Variants in BTBD16 observed in about 807,000 individuals in gnomAD.
BTBD16 encodes the protein BTB/POZ domain-containing protein 16.
A neutral mutation model predicts 67.4 loss-of-function variants in BTBD16; 66 were observed. The observed-to-expected ratio is 0.98, with a 90% CI of 0.80 to 1.20. The LOEUF (loss-of-function observed/expected upper bound fraction) is 1.20, where lower values mean the gene tolerates loss of function less well. BTBD16 is among the 50% of genes most tolerant of loss of function. BTBD16 has a pLI of 0.00. For synonymous variants in BTBD16, 242 were observed against 236.4 expected (o/e 1.02, Z -0.22); for missense variants, 634 against 616.0 (o/e 1.03, Z -0.31).
At position 122,332,449 on chromosome 10, in the gene BTBD16, G is replaced by A. The variant is rs200829242; in HGVS notation, c.1100G>A (p.Gly367Asp). 1.3e-4 allele frequency: 204 copies of A among 1,613,972 alleles called. No homozygotes were observed. The highest frequency in any genetic ancestry group is 1.6e-4 in the Non-Finnish European group (193 of 1,180,012). The change falls in exon 13 of 16, where the codon GGC becomes GAC. Residue 367 changes from glycine (G) to aspartate (D), a missense_variant. Physicochemically the swap from Gly to Asp is moderately conservative, Grantham distance 94. Coordinates refer to ENST00000260723, the MANE Select transcript of BTBD16 (RefSeq NM_144587.5). Reference protein sequence around the residue: ...VNHYHALENGGDMVHLKDLNT... With the variant: ...VNHYHALENGDDMVHLKDLNT... Reference sequence around the variant, plus strand: ...TTTTCCTTTCAGCTGGAGAATGGGGGCGACATGGTCCACCTGAAAGATCTT... The same window carrying A: ...TTTTCCTTTCAGCTGGAGAATGGGGACGACATGGTCCACCTGAAAGATCTT...
Position 122,332,505 on chromosome 10 carries a change from T to A in BTBD16, c.1156T>A (p.Phe386Ile). ...CCAGGCTGTGAGATTTGGGCTGCTC[T>A]TTAACCAGGTACTGAGAACTGTACC... is the stretch of plus-strand genomic sequence containing the variant. Reference protein sequence around the residue: ...NTQAVRFGLLFNQENTTYSKT... With the variant: ...NTQAVRFGLLINQENTTYSKT... The change falls in exon 13 of 16, where the codon TTT becomes ATT. Residue 386 changes from phenylalanine (F) to isoleucine (I), a missense_variant. Phe to Ile is a conservative substitution (Grantham distance 21). Coordinates refer to ENST00000260723, the MANE Select transcript of BTBD16 (RefSeq NM_144587.5). 6.2e-7 allele frequency: 1 copy of A among 1,613,472 alleles called. No homozygotes were observed. The highest frequency in any genetic ancestry group is 1.3e-5 in the African/African-American group (1 of 75,016).
Position 122,332,478 on chromosome 10 carries a change from A to G in BTBD16, c.1129A>G (p.Thr377Ala). The G allele has an allele frequency of 6.2e-7, 1 of 1,613,880 alleles. No homozygotes were observed. Residue 377 changes from threonine (T) to alanine (A), a missense_variant, in exon 13 of 16, where the codon ACC becomes GCC. By Grantham distance (58) the Thr-to-Ala change is moderately conservative (BLOSUM62 0). Coordinates refer to ENST00000260723, the MANE Select transcript of BTBD16 (RefSeq NM_144587.5). Reference protein sequence around the residue: ...GDMVHLKDLNTQAVRFGLLFN... With the variant: ...GDMVHLKDLNAQAVRFGLLFN... ...CATGGTCCACCTGAAAGATCTTAAC[A>G]CCCAGGCTGTGAGATTTGGGCTGCT...
intron 15 of BTBD16, among the ~76,000 whole-genome samples, chr10:122,337,496 G>A (rs10887137): frequency 0.36 from 55,199 of 152,012 alleles, 10,461 homozygotes; most frequent in East Asian, 0.69. Flanking sequence ...ACGGAGTCTC[G>A]CTCTATCGCC....
intron 10 of BTBD16, among the ~76,000 whole-genome samples, chr10:122,323,832 A>C (rs2096439633): frequency 6.6e-6 from 1 of 152,158 alleles, no homozygotes. Context: ...CCTTTTGCAA[A>C]TTGATGGTGG....
intron 1 of BTBD16, among the ~76,000 whole-genome samples, chr10:122,273,411 G>A (rs933285108): frequency 6.6e-6 from 1 of 151,978 alleles, no homozygotes; most frequent in Non-Finnish European, 1.5e-5. Flanking sequence ...CTTGGCAGAG[G>A]AATATTTTAA....
At position 122,275,063 on chromosome 10, in the gene BTBD16, G is replaced by C; in HGVS notation, c.-19G>C. The C allele has an allele frequency of 1.2e-6, 2 of 1,613,462 alleles. No homozygotes were observed. Among genetic ancestry groups the C allele is most frequent in the Non-Finnish European group, 1.7e-6 (2 of 1,179,598 alleles). On this transcript the variant is annotated 5_prime_UTR_variant, in exon 2 of 16. Coordinates refer to ENST00000260723, the MANE Select transcript of BTBD16 (RefSeq NM_144587.5). ...AGGTTGCTTGTCTTTTCTCTCCTGC[G>C]TAATTTCCACTTTCATTCATGATAA...
intron 4 of BTBD16, among the ~76,000 whole-genome samples, chr10:122,284,718 T>C (rs911777): frequency 1 from 148,497 of 148,614 alleles, 74,191 homozygotes; most frequent in Middle Eastern, 1. Context: ...TACTGCATGG[T>C]GTGACTGCCT....
At chr10:122,282,270 C>G (rs1446329853) in intron 3 of BTBD16, among the ~76,000 whole-genome samples, 1 of 152,160 alleles carries the variant, frequency 6.6e-6, no homozygotes, top group Non-Finnish European at 1.5e-5. Context: ...AGACGTGTCA[C>G]CCAAGCCACG....
At chr10:122,304,462 C>T (rs189549645) in intron 9 of BTBD16, among the ~76,000 whole-genome samples, 12 of 151,950 alleles carry the variant, frequency 7.9e-5, no homozygotes, top group Admixed American at 7.2e-4. Context: ...GTTGAAATGG[C>T]TCCATAGATA....
chr10:122,310,512 C>T (rs945358255), intron 10 of BTBD16, among the ~76,000 whole-genome samples: 15 of 152,050 alleles, frequency 9.9e-5, no homozygotes, highest in Non-Finnish European at 1.5e-4. Context: ...GCCAGCATTG[C>T]GTCACCAGGG....
intron 3 of BTBD16, among the ~76,000 whole-genome samples, chr10:122,279,143 G>A (rs935197441): frequency 6.6e-6 from 1 of 152,118 alleles, no homozygotes; most frequent in African/African-American, 2.4e-5. Context: ...GAAGTCACTG[G>A]TGCAGTCTAC....
At chr10:122,276,682 G>A (rs2096341196) in intron 2 of BTBD16, 109 bp from the exon 3 acceptor site, 1 of 1,428,964 alleles carries the variant, frequency 7.0e-7, no homozygotes, top group East Asian at 2.3e-5. Context: ...AAATTAACCA[G>A]CACTGTAAAA....
intron 10 of BTBD16, among the ~76,000 whole-genome samples, chr10:122,320,487 C>CT (rs1013015863): frequency 3.3e-5 from 5 of 151,890 alleles, no homozygotes; most frequent in African/African-American, 9.6e-5. Context: ...TGGTTTAAGA[C>CT]TTTTTTTTCT....
intron 10 of BTBD16, among the ~76,000 whole-genome samples, chr10:122,328,407 C>T (rs2096449087): frequency 6.6e-6 from 1 of 152,226 alleles, no homozygotes; most frequent in Admixed American, 6.5e-5. Flanking sequence ...ACTCACTTGT[C>T]TTTGTGCCTA....
chr10:122,292,515 C>T (rs1212723554), intron 7 of BTBD16, among the ~76,000 whole-genome samples: 1 of 152,224 alleles, frequency 6.6e-6, no homozygotes, highest in South Asian at 2.1e-4. Flanking sequence ...TGTACTATTC[C>T]ACTTCGCTTG....
intron 10 of BTBD16, among the ~76,000 whole-genome samples, chr10:122,323,401 T>A (rs1330677111): frequency 1.3e-5 from 2 of 152,198 alleles, no homozygotes; most frequent in Non-Finnish European, 2.9e-5. Flanking sequence ...TTGCTTTGTG[T>A]ATGCTCAGGC....
At chr10:122,275,714 G>T (rs1041648532) in intron 2 of BTBD16, among the ~76,000 whole-genome samples, 2 of 152,136 alleles carry the variant, frequency 1.3e-5, no homozygotes, top group African/African-American at 2.4e-5. Context: ...CCCTCCTCGT[G>T]CTTTTTTCCT....
intron 8 of BTBD16, among the ~76,000 whole-genome samples, chr10:122,298,625 C>T (rs1401708607): frequency 1.3e-5 from 2 of 152,156 alleles, no homozygotes; most frequent in Non-Finnish European, 2.9e-5. Context: ...CCATGATCAG[C>T]CACTGACTTG....
intron 10 of BTBD16, among the ~76,000 whole-genome samples, chr10:122,325,724 G>A (rs768780829): frequency 3.7e-4 from 56 of 151,418 alleles, no homozygotes; most frequent in Non-Finnish European, 6.0e-4. Context: ...TGCCCAGGCT[G>A]GAGTGCAGTA....
Sources: allele counts gnomAD v4.1 joint callset (sites outside exome capture counted in the v4.1 genomes callset), GRCh38; gene constraint gnomAD v4.1.1; transcripts MANE v1.5; gene names NCBI Gene and HGNC (gene_info 2026-07-23, HGNC 2026-07-21).